The following LRBA variants were observed in gnomAD, a reference collection of about 807,000 sequenced individuals.
LRBA encodes LPS responsive beige-like anchor protein, also known as lipopolysaccharide-responsive and beige-like anchor protein.
A neutral mutation model predicts 330.0 loss-of-function variants in LRBA; 176 were observed. That is an observed-to-expected ratio of 0.53 (90% CI 0.47 to 0.60). The LOEUF is 0.60. LRBA is among the 20% of genes least tolerant of loss of function. The pLI is 0.00. For missense variants in LRBA, 3,259 were observed against 3,444.8 expected (o/e 0.95, Z 1.35); for synonymous variants, 1,230 against 1,193.0 (o/e 1.03, Z -0.64).
intron 54 of LRBA, among the ~76,000 whole-genome samples, chr4:150,285,715 C>T (rs1748059031): frequency 1.3e-5 from 2 of 152,148 alleles, no homozygotes; most frequent in Admixed American, 1.3e-4. Context: ...GGCCACTAGC[C>T]ATATGTGAGT....
At chr4:150,651,689 GA>G (rs957671063) in intron 37 of LRBA, among the ~76,000 whole-genome samples, 6 of 149,872 alleles carry the variant, frequency 4.0e-5, no homozygotes, top group African/African-American at 9.8e-5. Context: ...ATAAATACAA[GA>G]AAAAAAAAGG....
At chr4:150,642,523 A>T (rs1778779885) in intron 37 of LRBA, among the ~76,000 whole-genome samples, 1 of 151,940 alleles carries the variant, frequency 6.6e-6, no homozygotes, top group South Asian at 2.1e-4. Context: ...ATATATTAAT[A>T]GGAAAGAAAT....
Position 150,583,891 on chromosome 4 carries a change from G to A in LRBA, c.6330+4157C>T. On this transcript the variant is annotated intron_variant, in intron 40 of 56. Coordinates refer to ENST00000651943, the MANE Select transcript of LRBA (RefSeq NM_001364905.1). The surrounding 1 kb of genome is among the most constrained non-coding windows in gnomAD (Gnocchi z 9.8). ...GTACGAGTGCGAGAAACACCCACGAGAAACGGACTGGGACGAGTCGTGCCT... is the reference window on the plus strand; with the variant it reads ...GTACGAGTGCGAGAAACACCCACGAAAAACGGACTGGGACGAGTCGTGCCT... The A allele has an allele frequency of 6.2e-7, 1 of 1,613,492 alleles. No homozygotes were observed. Among genetic ancestry groups the A allele is most frequent in the East Asian group, 2.2e-5 (1 of 44,878 alleles).
At chr4:151,003,633 A>G (rs1743665649) in intron 2 of LRBA, among the ~76,000 whole-genome samples, 2 of 151,572 alleles carry the variant, frequency 1.3e-5, no homozygotes, top group Admixed American at 6.6e-5. Context: ...TCTGCAAACA[A>G]AATTTTAAAA....
At position 150,849,425 on chromosome 4, in the gene LRBA, A is replaced by T. The variant is rs754722373; in HGVS notation, c.4155T>A (p.Ala1385=). The change falls in exon 25 of 57, where the codon GCT becomes GCA. Residue 1385 remains alanine (A), a synonymous_variant. Transcript: ENST00000651943. The part of the protein sequence containing the change: ...ILPLLSAATS[A]THELENIEPT... ...TCTATAGTAATTAAGTCCTTACTGT[A>T]GCCGATGTAGCAGCTGAAAGCAATG... 1 of 1,613,768 alleles carries T rather than the reference A, an allele frequency of 6.2e-7. No individual in the cohort carries two copies. Among genetic ancestry groups the T allele is most frequent in the Non-Finnish European group, 8.5e-7 (1 of 1,179,808 alleles).
chr4:150,292,815 G>T (rs989948431), intron 53 of LRBA, among the ~76,000 whole-genome samples: 1 of 152,096 alleles, frequency 6.6e-6, no homozygotes. Flanking sequence ...ATCTATGCTT[G>T]TAAAGGTCAA....
At chr4:150,648,612 A>C (rs1432953991) in intron 37 of LRBA, among the ~76,000 whole-genome samples, 1 of 151,832 alleles carries the variant, frequency 6.6e-6, no homozygotes, top group Non-Finnish European at 1.5e-5. Context: ...TCTGATTGAG[A>C]ACCCTTAAAT....
intron 36 of LRBA, among the ~76,000 whole-genome samples, chr4:150,724,664 A>T (rs1729415880): frequency 6.6e-6 from 1 of 152,038 alleles, no homozygotes; most frequent in Non-Finnish European, 1.5e-5. Flanking sequence ...TTTTGAGGCA[A>T]CTCAAAGAAA....
At chr4:150,571,623 A>G (rs1380113263) in intron 40 of LRBA, among the ~76,000 whole-genome samples, 1 of 143,252 alleles carries the variant, frequency 7.0e-6, no homozygotes, top group Non-Finnish European at 1.5e-5. Context: ...TCATACCTTT[A>G]GTATGCATTA....
chr4:150,528,224 G>C (rs916397005), intron 40 of LRBA, among the ~76,000 whole-genome samples: 1 of 152,102 alleles, frequency 6.6e-6, no homozygotes, highest in African/African-American at 2.4e-5. Context: ...GAAATATGAT[G>C]ATAAAGAATG....
chr4:150,727,158 C>T (rs2127108001), intron 36 of LRBA, among the ~76,000 whole-genome samples: 1 of 146,114 alleles, frequency 6.8e-6, no homozygotes, highest in Non-Finnish European at 1.5e-5. Flanking sequence ...ACCGCAACCT[C>T]CATCTTCCAC....
chr4:150,335,894 C>T (rs1734665577), intron 48 of LRBA, among the ~76,000 whole-genome samples: 1 of 152,012 alleles, frequency 6.6e-6, no homozygotes, highest in Non-Finnish European at 1.5e-5. Context: ...TGGTGTTTTG[C>T]CATGTTGCCC....
At chr4:150,654,208 A>AC (rs1229714062) in intron 37 of LRBA, among the ~76,000 whole-genome samples, 2 of 152,102 alleles carry the variant, frequency 1.3e-5, no homozygotes, top group African/African-American at 4.8e-5. Flanking sequence ...TGTTGTTGAG[A>AC]CAGAGTCTTA....
chr4:150,719,702 C>T (rs956395544), intron 36 of LRBA, among the ~76,000 whole-genome samples: 1 of 152,196 alleles, frequency 6.6e-6, no homozygotes, highest in Non-Finnish European at 1.5e-5. Flanking sequence ...ATTTTCTTAA[C>T]GCCTTCAAAT....
chr4:150,846,737 A>G (rs544992830), intron 26 of LRBA, among the ~76,000 whole-genome samples: 91 of 152,298 alleles, frequency 6.0e-4, no homozygotes, highest in South Asian at 1.0e-3. Flanking sequence ...ACAATTTAAA[A>G]AAAAGATATC....
chr4:150,471,577 T>C (rs530693036), intron 43 of LRBA, 47 bp downstream of exon 43: 1 of 1,080,562 alleles, frequency 9.3e-7, no homozygotes, highest in South Asian at 1.4e-5. Context: ...ACAATTGAAA[T>C]TAATAATTTA....
chr4:150,931,368 ATTG>A (rs1270179577), intron 2 of LRBA, among the ~76,000 whole-genome samples: 9 of 151,194 alleles, frequency 6.0e-5, no homozygotes, highest in African/African-American at 2.2e-4. Flanking sequence ...GGTGGTGGTT[ATTG>A]TTATTATAAG....
chr4:150,772,986 A>G (rs1736790159), intron 34 of LRBA, among the ~76,000 whole-genome samples: 2 of 152,188 alleles, frequency 1.3e-5, no homozygotes, highest in African/African-American at 4.8e-5. Context: ...GGTCACTAGC[A>G]TGTACCTTTT....
At chr4:150,422,221 C>A (rs1748904142) in intron 46 of LRBA, among the ~76,000 whole-genome samples, 1 of 152,152 alleles carries the variant, frequency 6.6e-6, no homozygotes, top group South Asian at 2.1e-4. Flanking sequence ...GTTCATGCCA[C>A]TGGCACCCTA....
Sources: allele counts gnomAD v4.1 joint callset (sites outside exome capture counted in the v4.1 genomes callset), GRCh38; gene constraint gnomAD v4.1.1; non-coding constraint Gnocchi (gnomAD v3.1); transcripts MANE v1.5; gene names NCBI Gene and HGNC (gene_info 2026-07-23, HGNC 2026-07-21).